ZNF385B: variants seen among roughly 807,000 people sequenced by gnomAD.
ZNF385B encodes the protein zinc finger protein 385B.
A neutral mutation model predicts 39.2 loss-of-function variants in ZNF385B; 23 were observed. That is an observed-to-expected ratio of 0.59 (90% CI 0.42 to 0.83). The LOEUF (loss-of-function observed/expected upper bound fraction) is 0.83. Among genes scored for constraint, ZNF385B ranks in the 40% least tolerant of loss-of-function variants. The probability of loss-of-function intolerance (pLI) is 0.00; values close to 1 mark genes in which losing one functional copy is unlikely to be tolerated. For synonymous variants in ZNF385B, 205 were observed against 222.6 expected (o/e 0.92, Z 0.70); for missense variants, 552 against 598.9 (o/e 0.92, Z 0.82).
At chr2:179,486,126 T>A (rs1357406575) in intron 5 of ZNF385B, among the ~76,000 whole-genome samples, 2 of 152,140 alleles carry the variant, frequency 1.3e-5, no homozygotes, top group African/African-American at 4.8e-5. Flanking sequence ...AGTTATACAT[T>A]AAGAAAATAT....
At chr2:179,498,297 A>G (rs2105711185) in intron 5 of ZNF385B, among the ~76,000 whole-genome samples, 1 of 146,338 alleles carries the variant, frequency 6.8e-6, no homozygotes, top group Middle Eastern at 3.5e-3. Flanking sequence ...AGAACAGACC[A>G]CAAAAAAACT....
chr2:179,445,500 G>T (rs975614167), intron 8 of ZNF385B, 50 bp downstream of exon 8: 3 of 1,548,820 alleles, frequency 1.9e-6, no homozygotes. Flanking sequence ...AAGATACACA[G>T]TCAAGTGGTG....
chr2:179,784,915 C>G (rs970039783), intron 1 of ZNF385B, among the ~76,000 whole-genome samples: 2 of 152,012 alleles, frequency 1.3e-5, no homozygotes, highest in African/African-American at 4.8e-5. Context: ...TAAGACCCAG[C>G]AATTTTATTC....
intron 3 of ZNF385B, among the ~76,000 whole-genome samples, chr2:179,696,326 C>CTTTTTTTTTTTTTTGTTTTT (rs1698749228): frequency 2.5e-5 from 1 of 40,354 alleles, no homozygotes; most frequent in Non-Finnish European, 4.1e-5. Context: ...CAAACTGGGA[C>CTTTTTTTTTTTTTTGTTTTT]TTTTTTTTTT....
chr2:179,730,367 T>C (rs1191642301), intron 3 of ZNF385B, among the ~76,000 whole-genome samples: 2 of 152,324 alleles, frequency 1.3e-5, no homozygotes, highest in East Asian at 3.9e-4. Context: ...AGAAAAGGAG[T>C]TAAATGTTGA....
At chr2:179,842,704 C>T (rs1020083392) in intron 1 of ZNF385B, among the ~76,000 whole-genome samples, 2 of 152,140 alleles carry the variant, frequency 1.3e-5, no homozygotes, top group Non-Finnish European at 2.9e-5. Context: ...CCCCTCCCTC[C>T]AGCTGTTCAG....
chr2:179,687,728 C>G (rs1361400996), intron 3 of ZNF385B, among the ~76,000 whole-genome samples: 1 of 152,136 alleles, frequency 6.6e-6, no homozygotes, highest in Non-Finnish European at 1.5e-5. Flanking sequence ...GTGTGGCCAA[C>G]AAAGTGTCAA....
chr2:179,483,809 T>C (rs1201909811), intron 5 of ZNF385B, among the ~76,000 whole-genome samples: 1 of 152,178 alleles, frequency 6.6e-6, no homozygotes, highest in Non-Finnish European at 1.5e-5. Context: ...TGCCTGTGGG[T>C]ATGACCTTCC....
intron 1 of ZNF385B, among the ~76,000 whole-genome samples, chr2:179,850,417 T>C (rs965217399): frequency 1.3e-5 from 2 of 152,212 alleles, no homozygotes; most frequent in Non-Finnish European, 2.9e-5. Flanking sequence ...CAGTGAATCA[T>C]CTGAAAGTTC....
At chr2:179,640,446 A>G (rs532678953) in intron 3 of ZNF385B, among the ~76,000 whole-genome samples, 1 of 152,088 alleles carries the variant, frequency 6.6e-6, no homozygotes, top group South Asian at 2.1e-4. Flanking sequence ...GAACAAAACT[A>G]TATGAAACAT....
chr2:179,567,463 A>G (rs933223005), intron 3 of ZNF385B, among the ~76,000 whole-genome samples: 4 of 152,190 alleles, frequency 2.6e-5, no homozygotes, highest in African/African-American at 9.6e-5. Context: ...AACAAAAATA[A>G]TATATCCAAA....
At chr2:179,653,657 G>C (rs1237324279) in intron 3 of ZNF385B, among the ~76,000 whole-genome samples, 1 of 152,090 alleles carries the variant, frequency 6.6e-6, no homozygotes, top group Non-Finnish European at 1.5e-5. Flanking sequence ...TACTTTATAA[G>C]AGACATAGAA....
At chr2:179,642,508 T>C (rs1274740726) in intron 3 of ZNF385B, among the ~76,000 whole-genome samples, 2 of 152,188 alleles carry the variant, frequency 1.3e-5, no homozygotes, top group African/African-American at 4.8e-5. Context: ...GTTACTCTTG[T>C]TCGAACCAGC....
At chr2:179,466,199 A>G (rs1448315677) in intron 6 of ZNF385B, among the ~76,000 whole-genome samples, 2 of 152,182 alleles carry the variant, frequency 1.3e-5, no homozygotes, top group Non-Finnish European at 2.9e-5. Flanking sequence ...CTTGCGATGT[A>G]CTAGACAGGG....
intron 3 of ZNF385B, among the ~76,000 whole-genome samples, chr2:179,759,921 G>T (rs1703265992): frequency 1.3e-5 from 2 of 152,074 alleles, no homozygotes; most frequent in African/African-American, 4.8e-5. Flanking sequence ...AAACTGGGGG[G>T]TTTAGGTGGT....
chr2:179,744,330 A>ATTTTTTT (rs1553520966), intron 3 of ZNF385B, among the ~76,000 whole-genome samples: 4 of 149,616 alleles, frequency 2.7e-5, no homozygotes, highest in Non-Finnish European at 3.0e-5. Context: ...TTTTTTTTAA[A>ATTTTTTT]TCATAGAGAC....
At chr2:179,480,035 G>A (rs901936762) in intron 6 of ZNF385B, among the ~76,000 whole-genome samples, 2 of 152,112 alleles carry the variant, frequency 1.3e-5, no homozygotes, top group African/African-American at 4.8e-5. Flanking sequence ...ATGCTAAAAC[G>A]CGAGAATGGA....
In ZNF385B at chr2:179,470,041, G is replaced by A. The variant is rs149554811; in HGVS notation, c.715+13231C>T. Among the ~76,000 whole-genome samples the A allele has an allele frequency of 2.1e-3, 326 of 152,268 alleles. 1 individual carries two copies. Among genetic ancestry groups the A allele is most frequent in the African/African-American group, 7.2e-3 (300 of 41,552 alleles). Reference sequence around the variant, plus strand: ...CCGCCTGAACTTTTGACTCAGTGTCGTTGGGATCTGTGGGTCTTTCCCTGG... The same window carrying A: ...CCGCCTGAACTTTTGACTCAGTGTCATTGGGATCTGTGGGTCTTTCCCTGG... On this transcript the variant is annotated intron_variant, in intron 6 of 9. Transcript: ENST00000410066.
chr2:179,622,951 A>T (rs1373705413), intron 3 of ZNF385B, among the ~76,000 whole-genome samples: 3 of 152,212 alleles, frequency 2.0e-5, no homozygotes, highest in Non-Finnish European at 4.4e-5. Context: ...CAGAGGGCAC[A>T]CACAAGCTAA....
Sources: allele counts gnomAD v4.1 joint callset (sites outside exome capture counted in the v4.1 genomes callset), GRCh38; gene constraint gnomAD v4.1.1; transcripts MANE v1.5; gene names NCBI Gene and HGNC (gene_info 2026-07-23, HGNC 2026-07-21).